MRTFA: variants seen among roughly 807,000 people sequenced by gnomAD.
MRTFA encodes myocardin related transcription factor A.
In MRTFA, 20 loss-of-function variants were observed where a neutral mutation model predicts 83.5. The ratio of observed to expected loss-of-function variants is 0.24; its 90% CI spans 0.17 to 0.35. The LOEUF (loss-of-function observed/expected upper bound fraction) is 0.35, where lower values mean the gene tolerates loss of function less well. MRTFA is among the 10% of genes least tolerant of loss of function. MRTFA has a pLI of 1.00. For missense variants in MRTFA, 1,200 were observed against 1,224.7 expected, an observed-to-expected ratio of 0.98 and a Z score of 0.30; for synonymous variants, 659 against 541.2, an observed-to-expected ratio of 1.22 and a Z score of -3.02.
intron 4 of MRTFA, among the ~76,000 whole-genome samples, chr22:40,458,346 C>T (rs185032230): frequency 9.8e-5 from 15 of 152,316 alleles, no homozygotes; most frequent in African/African-American, 3.6e-4. Context: ...AAACCAACTT[C>T]TGTATCTCAC....
intron 3 of MRTFA, among the ~76,000 whole-genome samples, chr22:40,474,456 GT>G (rs2053961070): frequency 6.6e-6 from 1 of 152,206 alleles, no homozygotes; most frequent in Non-Finnish European, 1.5e-5. Flanking sequence ...ATAAAAACAA[GT>G]AAGTTAAGGC....
In MRTFA at chr22:40,621,373, A is replaced by T. The variant is rs182396267; in HGVS notation, c.-84+15105T>A. On this transcript the variant is annotated intron_variant, in intron 1 of 14. Coordinates refer to ENST00000355630, the MANE Select transcript of MRTFA (RefSeq NM_020831.6). ...GTGACATAAGCTAGTCACAAAAGAC[A>T]AATATTGTATGGTTCCACTTGTATG... 4.1e-3 allele frequency among the ~76,000 whole-genome samples: 619 copies of T among 152,310 alleles called. 20 individuals are homozygous for T. Among genetic ancestry groups the T allele is most frequent in the Admixed American group, 0.037 (569 of 15,280 alleles).
chr22:40,531,262 C>CTTTTTTTTTTTTT (rs397868211), intron 3 of MRTFA, among the ~76,000 whole-genome samples: 8 of 108,106 alleles, frequency 7.4e-5, no homozygotes, highest in East Asian at 2.8e-4. Context: ...TCATACCTGG[C>CTTTTTTTTTTTTT]TTTTTTTTTT....
intron 2 of MRTFA, among the ~76,000 whole-genome samples, chr22:40,581,422 T>C (rs1263031155): frequency 6.6e-6 from 1 of 152,188 alleles, no homozygotes; most frequent in African/African-American, 2.4e-5. Flanking sequence ...CCAAAAACTT[T>C]CTACAGAGCT....
At chr22:40,625,695 C>T (rs1051339887) in intron 1 of MRTFA, among the ~76,000 whole-genome samples, 1 of 152,080 alleles carries the variant, frequency 6.6e-6, no homozygotes, top group African/African-American at 2.4e-5. Context: ...ACAAGAATCG[C>T]TTGAACCCCG....
intron 1 of MRTFA, among the ~76,000 whole-genome samples, chr22:40,617,804 T>C (rs1414250829): frequency 2.0e-5 from 3 of 151,878 alleles, no homozygotes; most frequent in African/African-American, 4.8e-5. Flanking sequence ...AAATCAACTA[T>C]GTCAAATGCC....
At chr22:40,550,495 G>C (rs1240180584) in intron 3 of MRTFA, among the ~76,000 whole-genome samples, 1 of 152,130 alleles carries the variant, frequency 6.6e-6, no homozygotes, top group Non-Finnish European at 1.5e-5. Context: ...AATACAGCAG[G>C]CATTAAAGAT....
chr22:40,531,136 T>C (rs1481761270), intron 3 of MRTFA, among the ~76,000 whole-genome samples: 1 of 152,030 alleles, frequency 6.6e-6, no homozygotes, highest in African/African-American at 2.4e-5. Flanking sequence ...TCTTGCTCTG[T>C]CGCCCCAGTT....
At chr22:40,430,119 GTTT>G (rs1230600856) in intron 6 of MRTFA, among the ~76,000 whole-genome samples, 1 of 152,118 alleles carries the variant, frequency 6.6e-6, no homozygotes, top group Non-Finnish European at 1.5e-5. Context: ...CTCTGCTCTG[GTTT>G]TTAGTGCCTT....
intron 13 of MRTFA, 93 bp downstream of exon 13, chr22:40,417,248 G>C: frequency 6.6e-7 from 1 of 1,515,986 alleles, no homozygotes. Flanking sequence ...GGCTTCGCCT[G>C]CCCCCTATTC....
chr22:40,531,262 CT>C (rs397868211), intron 3 of MRTFA, among the ~76,000 whole-genome samples: 1,097 of 108,114 alleles, frequency 0.01, 4 homozygotes, highest in Non-Finnish European at 0.013. Flanking sequence ...TCATACCTGG[CT>C]TTTTTTTTTT....
chr22:40,626,791 G>A (rs2056586845), intron 1 of MRTFA, among the ~76,000 whole-genome samples: 1 of 151,932 alleles, frequency 6.6e-6, no homozygotes, highest in South Asian at 2.1e-4. Flanking sequence ...CTTGAGGCCA[G>A]GGGTTCAAGG....
chr22:40,502,160 G>A (rs2054497850), intron 3 of MRTFA, among the ~76,000 whole-genome samples: 1 of 138,500 alleles, frequency 7.2e-6, no homozygotes, highest in African/African-American at 2.7e-5. Flanking sequence ...GCGGGGGGCT[G>A]ACCCCCCCCA....
At chr22:40,630,373 C>G (rs772556893) in intron 1 of MRTFA, among the ~76,000 whole-genome samples, 1 of 152,036 alleles carries the variant, frequency 6.6e-6, no homozygotes, top group Non-Finnish European at 1.5e-5. Context: ...AGCTGGATGA[C>G]AGAGTGAGAC....
chr22:40,591,816 TAGAC>T (rs1158284490), intron 2 of MRTFA, among the ~76,000 whole-genome samples: 1 of 152,152 alleles, frequency 6.6e-6, no homozygotes, highest in Non-Finnish European at 1.5e-5. Flanking sequence ...ATTCATTCAA[TAGAC>T]AGAAAAATAA....
intron 1 of MRTFA, among the ~76,000 whole-genome samples, chr22:40,620,556 G>A (rs1336037771): frequency 6.6e-6 from 1 of 150,704 alleles, no homozygotes; most frequent in Admixed American, 6.7e-5. Context: ...TTACAGGTAT[G>A]AGCCACTGCA....
intron 1 of MRTFA, among the ~76,000 whole-genome samples, chr22:40,630,541 A>G (rs531086416): frequency 2.6e-4 from 40 of 152,310 alleles, no homozygotes; most frequent in Admixed American, 1.9e-3. Flanking sequence ...TTTCGACGTA[A>G]CAAATCTACT....
At chr22:40,517,272 T>C (rs2054777373) in intron 3 of MRTFA, among the ~76,000 whole-genome samples, 1 of 152,170 alleles carries the variant, frequency 6.6e-6, no homozygotes. Flanking sequence ...TTTTTTTGTT[T>C]TTTACATTTA....
chr22:40,529,932 T>C (rs1028737542), intron 3 of MRTFA, among the ~76,000 whole-genome samples: 41 of 152,178 alleles, frequency 2.7e-4, no homozygotes, highest in African/African-American at 9.9e-4. Flanking sequence ...AGAGACATCC[T>C]GTGCATGGAC....
Sources: gnomAD v4.1 joint callset for allele counts (sites outside exome capture counted in the v4.1 genomes callset) on GRCh38, gnomAD v4.1.1 for gene constraint, MANE v1.5 for transcripts, NCBI Gene and HGNC (gene_info 2026-07-23, HGNC 2026-07-21) for gene names.